Variants in PIBF1 observed in about 807,000 individuals in gnomAD.
The protein encoded by PIBF1 is progesterone-induced-blocking factor 1.
PIBF1 carries 90 observed loss-of-function variants against 112.5 expected under a neutral mutation model. The ratio of observed to expected loss-of-function variants is 0.80; its 90% CI spans 0.67 to 0.95. The LOEUF (loss-of-function observed/expected upper bound fraction) is 0.95. Among genes scored for constraint, PIBF1 ranks in the 40% least tolerant of loss-of-function variants. The probability of loss-of-function intolerance (pLI) is 0.00; values close to 1 mark genes in which losing one functional copy is unlikely to be tolerated. For synonymous variants in PIBF1, 301 were observed against 288.6 expected, an observed-to-expected ratio of 1.04 and a Z score of -0.44; for missense variants, 915 against 852.3, an observed-to-expected ratio of 1.07 and a Z score of -0.92.
chr13:73,003,517 A>G (rs2043939903), intron 17 of PIBF1, among the ~76,000 whole-genome samples: 2 of 152,050 alleles, frequency 1.3e-5, no homozygotes, highest in Admixed American at 6.6e-5. Flanking sequence ...TGGCCTCCCA[A>G]AGTGCTGGGA....
intron 16 of PIBF1, among the ~76,000 whole-genome samples, chr13:72,994,895 A>G (rs972896227): frequency 2.0e-5 from 3 of 152,210 alleles, no homozygotes; most frequent in Admixed American, 1.3e-4. Flanking sequence ...CTCATGAATC[A>G]TGATCATTTC....
intron 15 of PIBF1, among the ~76,000 whole-genome samples, chr13:72,966,657 C>G (rs1485630001): frequency 6.6e-6 from 1 of 150,962 alleles, no homozygotes; most frequent in Admixed American, 6.6e-5. Flanking sequence ...ACCTGTAATC[C>G]CAGCACTTTG....
chr13:72,826,499 TA>T (rs1246719356), intron 6 of PIBF1, among the ~76,000 whole-genome samples: 2 of 152,218 alleles, frequency 1.3e-5, no homozygotes, highest in African/African-American at 4.8e-5. Flanking sequence ...CAATTCTTGG[TA>T]TAACTTTTTT....
chr13:72,783,558 C>T lies in PIBF1; in HGVS notation c.89C>T (p.Pro30Leu). 6.2e-7 allele frequency: 1 copy of T among 1,613,932 alleles called. No homozygotes were observed. The highest frequency in any genetic ancestry group is 2.2e-5 in the East Asian group (1 of 44,856). The change falls in exon 2 of 18, where the codon CCT becomes CTT. Residue 30 changes from proline (P) to leucine (L), a missense_variant. Transcript: ENST00000326291. ...GATATTAGTTTAGAAACAACAGTTC[C>T]TACGGATGATATTTCCTCATCAGAA... ...SEDISLETTVPTDDISSSEER... is the reference protein window; with the variant it reads ...SEDISLETTVLTDDISSSEER...
chr13:73,001,345 T>C (rs2043860203), intron 17 of PIBF1, among the ~76,000 whole-genome samples: 1 of 152,212 alleles, frequency 6.6e-6, no homozygotes, highest in Non-Finnish European at 1.5e-5. Context: ...GAGCTAATCA[T>C]TTTATAATCT....
intron 5 of PIBF1, among the ~76,000 whole-genome samples, chr13:72,805,082 TC>T (rs374225536): frequency 4.6e-5 from 7 of 152,178 alleles, no homozygotes; most frequent in African/African-American, 1.4e-4. Flanking sequence ...CAAGCGATTC[TC>T]CTGCCTCAGC....
chr13:72,883,818 G>C (rs1443725120), intron 10 of PIBF1, among the ~76,000 whole-genome samples: 3 of 152,146 alleles, frequency 2.0e-5, no homozygotes, highest in Non-Finnish European at 4.4e-5. Context: ...ACTAGACCAG[G>C]TGTGGTGGAT....
intron 14 of PIBF1, among the ~76,000 whole-genome samples, chr13:72,964,503 C>A (rs1178067364): frequency 6.6e-6 from 1 of 152,028 alleles, no homozygotes; most frequent in African/African-American, 2.4e-5. Flanking sequence ...TATTTTAAAA[C>A]ACATTTGTCA....
At chr13:73,007,457 C>T (rs910731641) in intron 17 of PIBF1, among the ~76,000 whole-genome samples, 3 of 152,032 alleles carry the variant, frequency 2.0e-5, no homozygotes, top group Admixed American at 1.3e-4. Context: ...CCCATTTTAA[C>T]AATCAGTTAC....
intron 10 of PIBF1, among the ~76,000 whole-genome samples, chr13:72,879,911 G>C (rs980887216): frequency 1.3e-5 from 2 of 152,188 alleles, no homozygotes; most frequent in Non-Finnish European, 2.9e-5. Context: ...TATTGTCTAT[G>C]GCTGCTTTTA....
chr13:72,970,063 C>A (rs1251484782), intron 15 of PIBF1, among the ~76,000 whole-genome samples: 1 of 150,012 alleles, frequency 6.7e-6, no homozygotes, highest in African/African-American at 2.5e-5. Flanking sequence ...AATAAAAACT[C>A]TTTGAAGAAC....
intron 14 of PIBF1, among the ~76,000 whole-genome samples, chr13:72,964,954 C>G (rs577511753): frequency 6.6e-6 from 1 of 151,940 alleles, no homozygotes; most frequent in South Asian, 2.1e-4. Context: ...CCCAGCTACT[C>G]GGAAAGCTGA....
rs568671118 is a variant in PIBF1, at chr13:72,819,382, C to T, written c.673-2467C>T. ...ATGCTTCATTCCCCTGAGTATGCCC[C>T]CTTTTCTCCAACAGTAATTCATCTT... On this transcript the variant is annotated intron_variant, in intron 5 of 17. Coordinates refer to ENST00000326291, the MANE Select transcript of PIBF1 (RefSeq NM_006346.4). Among the ~76,000 whole-genome samples, 13 of 152,164 alleles carry T rather than the reference C, an allele frequency of 8.5e-5. No homozygotes were observed. The South Asian group carries it at 2.7e-3, about 32-fold the overall frequency.
intron 10 of PIBF1, among the ~76,000 whole-genome samples, chr13:72,883,305 A>G (rs1234693615): frequency 6.6e-6 from 1 of 152,168 alleles, no homozygotes; most frequent in African/African-American, 2.4e-5. Context: ...ACTCATAGAG[A>G]TAGAAAGTAG....
At chr13:72,905,785 A>G (rs1157416262) in intron 11 of PIBF1, among the ~76,000 whole-genome samples, 1 of 152,158 alleles carries the variant, frequency 6.6e-6, no homozygotes, top group Non-Finnish European at 1.5e-5. Flanking sequence ...CTCTGGATGC[A>G]GGTGACTAGT....
intron 17 of PIBF1, among the ~76,000 whole-genome samples, chr13:73,004,013 C>T (rs952671149): frequency 1.3e-5 from 2 of 152,048 alleles, no homozygotes; most frequent in African/African-American, 4.8e-5. Context: ...CTGCACCTGG[C>T]CTGGGTATCC....
chr13:72,812,964 GA>G (rs1250024144), intron 5 of PIBF1, among the ~76,000 whole-genome samples: 1 of 151,698 alleles, frequency 6.6e-6, no homozygotes, highest in Non-Finnish European at 1.5e-5. Context: ...AAAAAAGAAA[GA>G]AAAAAGAAAA....
intron 4 of PIBF1, among the ~76,000 whole-genome samples, chr13:72,796,958 G>T (rs530889312): frequency 1.3e-5 from 2 of 152,202 alleles, no homozygotes; most frequent in South Asian, 4.1e-4. Context: ...ATATGTTAAG[G>T]AGTTTCAGAT....
chr13:72,890,424 C>T (rs987223299), intron 10 of PIBF1, among the ~76,000 whole-genome samples: 1 of 152,068 alleles, frequency 6.6e-6, no homozygotes, highest in African/African-American at 2.4e-5. Flanking sequence ...GTGAATATTC[C>T]TTCAGAGCAA....
Sources: gnomAD v4.1 joint callset for allele counts (sites outside exome capture counted in the v4.1 genomes callset) on GRCh38, gnomAD v4.1.1 for gene constraint, MANE v1.5 for transcripts, NCBI Gene and HGNC (gene_info 2026-07-23, HGNC 2026-07-21) for gene names.